MCTP2: variants seen among roughly 807,000 people sequenced by gnomAD.
MCTP2 encodes the protein multiple C2 and transmembrane domain-containing protein 2.
In MCTP2, 132 loss-of-function variants were observed where a neutral mutation model predicts 111.6. The ratio of observed to expected loss-of-function variants is 1.18; its 90% CI spans 1.03 to 1.37. MCTP2 has a LOEUF of 1.37. Among genes scored for constraint, MCTP2 ranks in the 40% most tolerant of loss-of-function variants. The pLI, the probability that MCTP2 is intolerant of heterozygous loss-of-function variation, is 0.00. For missense variants in MCTP2, 1,183 were observed against 1,067.9 expected (o/e 1.11, Z -1.50); for synonymous variants, 395 against 387.7 (o/e 1.02, Z -0.22).
chr15:94,422,856 T>C (rs1266584405), intron 17 of MCTP2, among the ~76,000 whole-genome samples: 1 of 152,162 alleles, frequency 6.6e-6, no homozygotes, highest in Non-Finnish European at 1.5e-5. Flanking sequence ...TCAGTCATCG[T>C]CTTTTTTCTT....
intron 1 of MCTP2, among the ~76,000 whole-genome samples, chr15:94,255,754 A>AT (rs1054272092): frequency 6.6e-6 from 1 of 152,158 alleles, no homozygotes; most frequent in African/African-American, 2.4e-5. Context: ...ACAATTGAGT[A>AT]TCCTAGTGAT....
chr15:94,282,511 T>C (rs1221890808), intron 1 of MCTP2, among the ~76,000 whole-genome samples: 1 of 152,236 alleles, frequency 6.6e-6, no homozygotes, highest in Non-Finnish European at 1.5e-5. Context: ...GCTTCCTTGC[T>C]GTCTGGATTC....
In MCTP2 at chr15:94,345,118, C is replaced by G. The variant is rs774938937; in HGVS notation, c.970-11C>G. 6.2e-7 allele frequency: 1 copy of G among 1,612,534 alleles called. No homozygotes were observed. Among genetic ancestry groups the G allele is most frequent in the Non-Finnish European group, 8.5e-7 (1 of 1,178,942 alleles). ...TGCCATTTTCACCATTCCGCGGACA[C>G]AAATCTTTAGCGTTGGTCAAATCGG... On this transcript the variant is annotated splice_polypyrimidine_tract_variant and intron_variant, in intron 7 of 22. Transcript: ENST00000357742.
Position 94,243,032 on chromosome 15 carries a change from C to T in MCTP2, c.-66+11368C>T, listed in dbSNP as rs371743168. 7.7e-3 allele frequency among the ~76,000 whole-genome samples: 370 copies of T among 48,194 alleles called. 61 individuals are homozygous for T. Among genetic ancestry groups the T allele is most frequent in the African/African-American group, 0.023 (236 of 10,416 alleles). 31.6% of individuals were successfully genotyped at this position (48,194 alleles called of 152,430 possible). A position where few individuals can be genotyped will look rare whatever the true frequency, so the allele number is the denominator to read the frequency against. ...ATACACGTGTATATGTGTATCTACA[C>T]ATACACGTGTATATGTGTATCTACA... On this transcript the variant is annotated intron_variant, in intron 1 of 22. Transcript: ENST00000357742.
intron 1 of MCTP2, among the ~76,000 whole-genome samples, chr15:94,247,017 C>A (rs2072062890): frequency 6.6e-6 from 1 of 152,166 alleles, no homozygotes; most frequent in South Asian, 2.1e-4. Context: ...CATGTTAATG[C>A]ATCCCAGACA....
chr15:94,467,765 G>T (rs550252588), intron 20 of MCTP2, among the ~76,000 whole-genome samples: 1 of 152,326 alleles, frequency 6.6e-6, no homozygotes, highest in South Asian at 2.1e-4. Flanking sequence ...ACTGGATCCC[G>T]TTGTGGAGTT....
chr15:94,405,243 TTC>T (rs1418841790), intron 17 of MCTP2, among the ~76,000 whole-genome samples: 2 of 152,364 alleles, frequency 1.3e-5, no homozygotes, highest in East Asian at 3.9e-4. Context: ...TGTGTTTTTC[TTC>T]TGTTTTTTGA....
intron 12 of MCTP2, among the ~76,000 whole-genome samples, chr15:94,372,017 A>G (rs1429385539): frequency 6.6e-6 from 1 of 151,946 alleles, no homozygotes; most frequent in Non-Finnish European, 1.5e-5. Flanking sequence ...GGATACCTGA[A>G]GAAAGAGTCT....
intron 20 of MCTP2, among the ~76,000 whole-genome samples, chr15:94,461,564 G>A (rs932193388): frequency 6.6e-6 from 1 of 152,182 alleles, no homozygotes; most frequent in East Asian, 1.9e-4. Context: ...ATTATGGAGT[G>A]AGGGCTCTAA....
chr15:94,243,739 A>T (rs1280398217), intron 1 of MCTP2, among the ~76,000 whole-genome samples: 1 of 141,928 alleles, frequency 7.0e-6, no homozygotes, highest in Non-Finnish European at 1.5e-5. Flanking sequence ...ATGTGTATAC[A>T]TATATGTATA....
intron 17 of MCTP2, among the ~76,000 whole-genome samples, chr15:94,429,036 T>A (rs1207949706): frequency 6.6e-6 from 1 of 152,212 alleles, no homozygotes; most frequent in Non-Finnish European, 1.5e-5. Flanking sequence ...CCTTGAACTT[T>A]TAATACTTCT....
chr15:94,472,546 G>A (rs190522035), intron 21 of MCTP2, among the ~76,000 whole-genome samples: 1 of 152,258 alleles, frequency 6.6e-6, no homozygotes, highest in Admixed American at 6.5e-5. Context: ...TCTACTTAAT[G>A]AAATATTGTT....
chr15:94,437,591 A>G (rs1339739186), intron 17 of MCTP2, among the ~76,000 whole-genome samples: 1 of 152,128 alleles, frequency 6.6e-6, no homozygotes, highest in African/African-American at 2.4e-5. Context: ...AGACAATCTC[A>G]GTCTTAATTT....
intron 17 of MCTP2, among the ~76,000 whole-genome samples, chr15:94,406,550 G>A (rs985609547): frequency 8.5e-5 from 13 of 152,310 alleles, no homozygotes; most frequent in Admixed American, 5.2e-4. Flanking sequence ...TTACATGGGC[G>A]AGAATAATTC....
chr15:94,271,171 T>A (rs1370678345), intron 1 of MCTP2, among the ~76,000 whole-genome samples: 2 of 152,174 alleles, frequency 1.3e-5, no homozygotes, highest in African/African-American at 4.8e-5. Flanking sequence ...TTCTACTAGT[T>A]ACATAGATTT....
At chr15:94,476,104 AGAG>A (rs931023802) in intron 21 of MCTP2, among the ~76,000 whole-genome samples, 2 of 152,156 alleles carry the variant, frequency 1.3e-5, no homozygotes, top group African/African-American at 4.8e-5. Flanking sequence ...TTCTGCTGTG[AGAG>A]GAGAGAAACC....
At chr15:94,380,880 C>G (rs1335130122) in intron 12 of MCTP2, among the ~76,000 whole-genome samples, 1 of 152,154 alleles carries the variant, frequency 6.6e-6, no homozygotes, top group Non-Finnish European at 1.5e-5. Context: ...TAAGTGAACC[C>G]CCCCCTTACT....
intron 4 of MCTP2, among the ~76,000 whole-genome samples, chr15:94,338,720 G>T (rs759638522): frequency 3.9e-5 from 6 of 152,178 alleles, no homozygotes; most frequent in Non-Finnish European, 7.3e-5. Flanking sequence ...GACAATGTTG[G>T]CTGCTTTAGT....
chr15:94,324,335 C>T (rs570083775), intron 4 of MCTP2, among the ~76,000 whole-genome samples: 1 of 152,238 alleles, frequency 6.6e-6, no homozygotes, highest in Non-Finnish European at 1.5e-5. Flanking sequence ...AAACCCTGTG[C>T]TTTGCTGTAA....
Sources: allele counts gnomAD v4.1 joint callset (sites outside exome capture counted in the v4.1 genomes callset), GRCh38; gene constraint gnomAD v4.1.1; transcripts MANE v1.5; gene names NCBI Gene and HGNC (gene_info 2026-07-23, HGNC 2026-07-21).